Variants in PCDH12 observed in about 807,000 individuals in gnomAD.
PCDH12 encodes protocadherin-12.
PCDH12 carries 45 observed loss-of-function variants against 70.9 expected under a neutral mutation model. The ratio of observed to expected loss-of-function variants is 0.63; its 90% CI spans 0.50 to 0.81. The LOEUF (loss-of-function observed/expected upper bound fraction) is 0.81, where lower values mean the gene tolerates loss of function less well. Among genes scored for constraint, PCDH12 ranks in the 40% least tolerant of loss-of-function variants. The probability of loss-of-function intolerance (pLI) is 0.00; values close to 1 mark genes in which losing one functional copy is unlikely to be tolerated. For synonymous variants in PCDH12, 567 were observed against 626.0 expected (o/e 0.91, Z 1.41); for missense variants, 1,370 against 1,491.7 (o/e 0.92, Z 1.34).
rs1472209889 is a variant in PCDH12, at chr5:141,957,893, C to A, written c.-42G>T. Reference sequence around the variant, plus strand: ...GCTAGATTCAGAAACCACTAGAGTTCTTTCAAGGCTGGACAAGTCCTCCAG... The same window carrying A: ...GCTAGATTCAGAAACCACTAGAGTTATTTCAAGGCTGGACAAGTCCTCCAG... On this transcript the variant is annotated 5_prime_UTR_variant, in exon 1 of 4. The change creates a premature stop within an existing upstream ORF in the 5' untranslated region. Coordinates refer to ENST00000231484, the MANE Select transcript of PCDH12 (RefSeq NM_016580.4). The surrounding 1 kb of genome is among the most constrained non-coding windows in gnomAD (Gnocchi z 4.3). 3 of 1,564,570 alleles carry A rather than the reference C, an allele frequency of 1.9e-6. No homozygotes were observed. The highest frequency in any genetic ancestry group is 2.4e-5 in the South Asian group (2 of 84,718).
chr5:141,945,647 C>G lies in PCDH12; in HGVS notation c.3289G>C (p.Glu1097Gln), dbSNP rs1238710844. 4 of 1,614,114 alleles carry G rather than the reference C, an allele frequency of 2.5e-6. No individual in the cohort carries two copies. The highest frequency in any genetic ancestry group is 3.3e-4 in the Middle Eastern group (2 of 6,084). Residue 1097 changes from glutamate (E) to glutamine (Q), a missense_variant, in exon 4 of 4, where the codon GAG (glutamate) becomes CAG (glutamine). Transcript: ENST00000231484. Reference protein sequence around the residue: ...FQTFGKAEAPELSPTGTRLAS... With the variant: ...FQTFGKAEAPQLSPTGTRLAS... Reference sequence around the variant, plus strand: ...AGCCTCGTGCCTGTTGGGCTCAGCTCTGGTGCCTCTGCCTTGCCGAACGTC... The same window carrying G: ...AGCCTCGTGCCTGTTGGGCTCAGCTGTGGTGCCTCTGCCTTGCCGAACGTC...
At chr5:141,951,632 C>T in intron 1 of PCDH12, 42 bp from the exon 2 acceptor site, 1 of 1,368,852 alleles carries the variant, frequency 7.3e-7, no homozygotes, top group Non-Finnish European at 1.0e-6. Context: ...ACAATTCCGA[C>T]TCAGCACACT....
intron 3 of PCDH12, among the ~76,000 whole-genome samples, chr5:141,949,143 G>C (rs1182102501): frequency 6.6e-6 from 1 of 151,836 alleles, no homozygotes; most frequent in Non-Finnish European, 1.5e-5. Context: ...AGGATCACCT[G>C]AGCCCAGGAG....
intron 3 of PCDH12, chr5:141,949,226 C>T (rs1171043792): frequency 1.4e-6 from 1 of 692,434 alleles, no homozygotes; most frequent in Admixed American, 6.3e-5. Flanking sequence ...CAGAGCAAGA[C>T]CCTGTCTAAA....
In PCDH12 at chr5:141,956,648, G is replaced by A. The variant is rs747029579; in HGVS notation, c.1204C>T (p.Leu402=). 1 of 1,614,190 alleles carries A rather than the reference G, an allele frequency of 6.2e-7. No homozygotes were observed. Among genetic ancestry groups the A allele is most frequent in the African/African-American group, 1.3e-5 (1 of 75,040 alleles). ...WLSQELGHFR[L]KRTNGNTYML... is the part of the protein sequence containing the mutation. ...TATGTGTTGCCATTAGTTCTTTTCA[G>A]CCTGAAGTGGCCCAGCTCTTGGCTC... Residue 402 remains leucine (L), a synonymous_variant, in exon 1 of 4, where the codon CTG becomes TTG. Coordinates refer to ENST00000231484, the MANE Select transcript of PCDH12 (RefSeq NM_016580.4).
intron 3 of PCDH12, among the ~76,000 whole-genome samples, chr5:141,946,158 C>T (rs1752921716): frequency 6.6e-6 from 1 of 152,146 alleles, no homozygotes; most frequent in South Asian, 2.1e-4. Flanking sequence ...CCTCAGGGCG[C>T]CTTCTCCCCT....
In PCDH12 at chr5:141,945,284, C is replaced by A. The variant is rs976861778; in HGVS notation, c.*97G>T. 4 of 1,435,898 alleles carry A rather than the reference C, an allele frequency of 2.8e-6. No individual in the cohort carries two copies. 88.9% of individuals were successfully genotyped at this position (1,435,898 alleles called of 1,614,324 possible). A position where few individuals can be genotyped will look rare whatever the true frequency, so the allele number is the denominator to read the frequency against. The stretch of plus-strand genomic sequence containing the variant: ...ATCAGTCACCCTAAAGTTCTCAGGC[C>A]GCCGCTAGCTAGTGAGTTACAAGAT... On this transcript the variant is annotated 3_prime_UTR_variant, in exon 4 of 4. Transcript: ENST00000231484.
chr5:141,946,517 A>G (rs1394501159), intron 3 of PCDH12, among the ~76,000 whole-genome samples: 1 of 151,972 alleles, frequency 6.6e-6, no homozygotes, highest in East Asian at 1.9e-4. Flanking sequence ...CCCCCTGGAT[A>G]CTCCAGGTGC....
Position 141,957,087 on chromosome 5 carries a change from T to A in PCDH12, c.765A>T (p.Glu255Asp). Reference protein sequence around the residue: ...AESSLALEIQEDAAPGTLLIK... With the variant: ...AESSLALEIQDDAAPGTLLIK... ...TGAGAAGCGTACCAGGTGCAGCATC[T>A]TCTTGGATTTCCAGTGCCAGTGAAC... Residue 255 changes from glutamate to aspartate, a missense_variant, in exon 1 of 4, where the codon GAA (glutamate) becomes GAT (aspartate). Glu to Asp is a conservative substitution (Grantham distance 45). Transcript: ENST00000231484. The surrounding 1 kb of genome is among the most constrained non-coding windows in gnomAD (Gnocchi z 4.3). 6.2e-7 allele frequency: 1 copy of A among 1,614,172 alleles called. No homozygotes were observed.
chr5:141,951,723 T>C (rs1475872860), intron 1 of PCDH12, 133 bp from the exon 2 acceptor site: 2 of 698,718 alleles, frequency 2.9e-6, no homozygotes, highest in Admixed American at 2.1e-5. Flanking sequence ...TGTGATCAGA[T>C]GGGGGATGGT....
In PCDH12 at chr5:141,954,983, G is replaced by T; in HGVS notation, c.2869C>A (p.Pro957Thr). The part of the protein sequence containing the change: ...NPVEELTVDS[P>T]PVQQISQLLS... ...CATGCCCCAGGTACCTGAACAGGAG[G>T]AGAATCCACAGTGAGCTCCTCCACG... is the stretch of plus-strand genomic sequence containing the variant. The change falls in exon 1 of 4, where the codon CCT becomes ACT. Residue 957 changes from proline to threonine, a missense_variant. Coordinates refer to ENST00000231484, the MANE Select transcript of PCDH12 (RefSeq NM_016580.4). The T allele has an allele frequency of 6.2e-7, 1 of 1,612,060 alleles. No homozygotes were observed. Among genetic ancestry groups the T allele is most frequent in the South Asian group, 1.1e-5 (1 of 90,962 alleles).
Position 141,956,587 on chromosome 5 carries a change from T to A in PCDH12, c.1265A>T (p.Gln422Leu), listed in dbSNP as rs1433786364. 3.7e-6 allele frequency: 6 copies of A among 1,614,252 alleles called. No individual in the cohort carries two copies. The South Asian group carries it at 6.6e-5, about 18-fold the overall frequency. The change falls in exon 1 of 4, where the codon CAG becomes CTG. Residue 422 changes from glutamine (Q) to leucine (L), a missense_variant. Physicochemically the swap from Gln to Leu is moderately radical, Grantham distance 113 (BLOSUM62 -2). Coordinates refer to ENST00000231484, the MANE Select transcript of PCDH12 (RefSeq NM_016580.4). ...LLTNATLDRE[Q>L]WPKYTLTLLA... ...CAGAGTGAGGGTATATTTGGGCCACTGCTCTCTGTCCAGTGTGGCATTGGT... is the reference window on the plus strand; with the variant it reads ...CAGAGTGAGGGTATATTTGGGCCACAGCTCTCTGTCCAGTGTGGCATTGGT...
Position 141,945,392 on chromosome 5 carries a change from T to C in PCDH12, c.3544A>G (p.Arg1182Gly), listed in dbSNP as rs762687942. 6.9e-7 allele frequency: 1 copy of C among 1,448,890 alleles called. No homozygotes were observed. Among genetic ancestry groups the C allele is most frequent in the Non-Finnish European group, 9.5e-7 (1 of 1,049,824 alleles). The allele number at this position is 1,448,890 out of a possible 1,614,324, so 89.8% of individuals were successfully genotyped here. ...GKSRGSSSSS[R>G]CL ...CGTCTGAGGTATGTTCACAGGCACCTGCTGCTGCTGCTGCTGCCTCTGCTC... is the reference window on the plus strand; with the variant it reads ...CGTCTGAGGTATGTTCACAGGCACCCGCTGCTGCTGCTGCTGCCTCTGCTC... The change falls in exon 4 of 4, where the codon AGG (arginine) becomes GGG (glycine). Residue 1182 changes from arginine to glycine, a missense_variant. By Grantham distance (125) the Arg-to-Gly change is moderately radical (BLOSUM62 -2). Transcript: ENST00000231484.
At chr5:141,950,030 T>G (rs1393989626) in intron 2 of PCDH12, among the ~76,000 whole-genome samples, 1 of 152,212 alleles carries the variant, frequency 6.6e-6, no homozygotes, top group Non-Finnish European at 1.5e-5. Flanking sequence ...TTTGCCTGTC[T>G]CATTGCCTGC....
chr5:141,954,883 A>C, intron 1 of PCDH12, 89 bp downstream of exon 1: 1 of 1,482,178 alleles, frequency 6.7e-7, no homozygotes, highest in East Asian at 2.3e-5. Context: ...AGGAAGAAAC[A>C]TGAGGACTGT....
chr5:141,945,303 A>T lies in PCDH12; in HGVS notation c.*78T>A. ...TCAGGCCGCCGCTAGCTAGTGAGTTACAAGATTTTAGAAACCAGCTCTTGT... is the reference window on the plus strand; with the variant it reads ...TCAGGCCGCCGCTAGCTAGTGAGTTTCAAGATTTTAGAAACCAGCTCTTGT... On this transcript the variant is annotated 3_prime_UTR_variant, in exon 4 of 4. Coordinates refer to ENST00000231484, the MANE Select transcript of PCDH12 (RefSeq NM_016580.4). The T allele has an allele frequency of 6.6e-7, 1 of 1,505,042 alleles. No homozygotes were observed. Among genetic ancestry groups the T allele is most frequent in the Non-Finnish European group, 8.9e-7 (1 of 1,122,766 alleles). 93.2% of individuals were successfully genotyped at this position (1,505,042 alleles called of 1,614,324 possible).
At position 141,955,184 on chromosome 5, in the gene PCDH12, G is replaced by A. The variant is rs1213978918; in HGVS notation, c.2668C>T (p.Leu890=). The A allele has an allele frequency of 1.2e-6, 2 of 1,614,224 alleles. No individual in the cohort carries two copies. The highest frequency in any genetic ancestry group is 2.2e-5 in the South Asian group (2 of 91,092). The change falls in exon 1 of 4, where the codon CTG becomes TTG. Residue 890 remains leucine (L), a synonymous_variant. Coordinates refer to ENST00000231484, the MANE Select transcript of PCDH12 (RefSeq NM_016580.4). This position sits in a 1 kb window ranked among gnomAD's most constrained non-coding sequence, Gnocchi z 5.5. ...TCCTCACTGCCCTGGTCTCCAGCCA[G>A]CCTCCCTGTGGGGCTGCCTGCAACC... The part of the protein sequence containing the change: ...LKVAGSPTGR[L]AGDQGSEEAP...
chr5:141,949,233 T>TAA (rs367650436), intron 3 of PCDH12, 199 bp downstream of exon 3: 1,191 of 633,038 alleles, frequency 1.9e-3, no homozygotes, highest in Non-Finnish European at 2.1e-3. Context: ...AGACCCTGTC[T>TAA]AAAAAAAAAA....
At position 141,956,351 on chromosome 5, in the gene PCDH12, C is replaced by G; in HGVS notation, c.1501G>C (p.Asp501His). ...GCTACTAAGTGAGCAACTGGGGAGT[C>G]CTGGATGCGGTATGAGACTTTTCCA... ...INGKVSYRIQ[D>H]SPVAHLVAID... The change falls in exon 1 of 4, where the codon GAC (aspartate) becomes CAC (histidine). Residue 501 changes from aspartate (D) to histidine (H), a missense_variant. Coordinates refer to ENST00000231484, the MANE Select transcript of PCDH12 (RefSeq NM_016580.4). 1 of 1,614,176 alleles carries G rather than the reference C, an allele frequency of 6.2e-7. No homozygotes were observed. The highest frequency in any genetic ancestry group is 8.5e-7 in the Non-Finnish European group (1 of 1,180,040).
Sources: allele counts gnomAD v4.1 joint callset (sites outside exome capture counted in the v4.1 genomes callset), GRCh38; gene constraint gnomAD v4.1.1; non-coding constraint Gnocchi (gnomAD v3.1); transcripts MANE v1.5; gene names NCBI Gene and HGNC (gene_info 2026-07-23, HGNC 2026-07-21).